The following CAST variants were observed in gnomAD, a reference collection of about 807,000 sequenced individuals.
CAST encodes the protein MIR583 host.
CAST carries 76 observed loss-of-function variants against 119.6 expected under a neutral mutation model. The observed-to-expected ratio is 0.64, with a 90% CI of 0.53 to 0.77. The LOEUF (loss-of-function observed/expected upper bound fraction) is 0.77, where lower values mean the gene tolerates loss of function less well. CAST is among the 30% of genes least tolerant of loss of function. The pLI is 0.00. For synonymous variants in CAST, 319 were observed against 331.6 expected (o/e 0.96, Z 0.41); for missense variants, 953 against 946.5 (o/e 1.01, Z -0.09).
At chr5:96,352,864 C>G in the CAST span, among the ~76,000 whole-genome samples, 1 of 152,160 alleles carries the variant, frequency 6.6e-6, no homozygotes, top group African/African-American at 2.4e-5. Flanking sequence ...GCACTTCCCC[C>G]CTTGCTCTCT....
At chr5:96,349,113 TTTTC>T in the CAST span, among the ~76,000 whole-genome samples, 1,808 of 148,280 alleles carry the variant, frequency 0.012, 29 homozygotes, top group South Asian at 0.076. Flanking sequence ...TCTCTCTCAT[TTTTC>T]TTTTCAACCA....
intron 1 of CAST, among the ~76,000 whole-genome samples, chr5:96,534,173 G>A (rs1745740328): frequency 6.6e-6 from 1 of 152,176 alleles, no homozygotes; most frequent in Admixed American, 6.5e-5. Flanking sequence ...AAAATGAAAT[G>A]TGTCAACATT....
chr5:96,568,845 TGA>T (rs899669978), intron 1 of CAST, among the ~76,000 whole-genome samples: 1 of 151,838 alleles, frequency 6.6e-6, no homozygotes, highest in African/African-American at 2.4e-5. Context: ...CAGAATCTTG[TGA>T]GAGAAAACCA....
chr5:96,138,052 G>A, the CAST span, among the ~76,000 whole-genome samples: 1 of 151,922 alleles, frequency 6.6e-6, no homozygotes, highest in Non-Finnish European at 1.5e-5. Flanking sequence ...TATAAATGAA[G>A]TTCATCATTA....
the CAST span, among the ~76,000 whole-genome samples, chr5:96,316,345 C>T: frequency 1.3e-5 from 2 of 152,134 alleles, no homozygotes; most frequent in Admixed American, 6.5e-5. Flanking sequence ...AGCTAGGAGT[C>T]CAGAGTCACA....
the CAST span, among the ~76,000 whole-genome samples, chr5:96,167,115 A>G: frequency 6.6e-6 from 1 of 152,296 alleles, no homozygotes; most frequent in East Asian, 1.9e-4. Context: ...GAAGGAGAGA[A>G]ACAGGTATTA....
At chr5:96,542,005 T>C (rs147761648) in intron 1 of CAST, among the ~76,000 whole-genome samples, 76 of 152,326 alleles carry the variant, frequency 5.0e-4, no homozygotes, top group African/African-American at 1.6e-3. Context: ...CGGGATCATA[T>C]GTTAAGACAA....
the CAST span, among the ~76,000 whole-genome samples, chr5:96,125,083 G>A: frequency 1.3e-5 from 2 of 152,140 alleles, no homozygotes; most frequent in African/African-American, 4.8e-5. Context: ...AACAGTTTAT[G>A]TATATCGTAA....
At chr5:96,740,139 C>G (rs1400031523) in intron 12 of CAST, 21 bp downstream of exon 12, 1 of 1,060,396 alleles carries the variant, frequency 9.4e-7, no homozygotes, top group East Asian at 2.4e-5. Flanking sequence ...TAATCATTTA[C>G]TTTTATTTCA....
the CAST span, among the ~76,000 whole-genome samples, chr5:96,395,569 A>T: frequency 5.9e-5 from 9 of 152,154 alleles, no homozygotes; most frequent in African/African-American, 1.9e-4. Context: ...GAATGTTCTC[A>T]CTCATAAGTG....
the CAST span, among the ~76,000 whole-genome samples, chr5:96,264,258 G>T: frequency 2.0e-5 from 3 of 152,306 alleles, no homozygotes; most frequent in East Asian, 5.8e-4. Context: ...CTCATAAAGA[G>T]TATGGGTAAA....
intron 9 of CAST, among the ~76,000 whole-genome samples, chr5:96,735,432 T>C (rs905902267): frequency 2.6e-5 from 4 of 152,186 alleles, no homozygotes; most frequent in African/African-American, 9.7e-5. Context: ...TCTGAAAGCA[T>C]TTGCCTCTGG....
At chr5:96,364,960 T>C in the CAST span, among the ~76,000 whole-genome samples, 1 of 152,264 alleles carries the variant, frequency 6.6e-6, no homozygotes, top group Non-Finnish European at 1.5e-5. Context: ...TGTGGGCATT[T>C]AATGCTATAA....
chr5:96,348,563 G>A, the CAST span, among the ~76,000 whole-genome samples: 1 of 152,090 alleles, frequency 6.6e-6, no homozygotes, highest in Non-Finnish European at 1.5e-5. Flanking sequence ...ATTTGATGGT[G>A]GGAAGTTGAG....
In CAST at chr5:96,663,050, G is replaced by A. The variant is rs1032712664; in HGVS notation, c.75+553G>A. On this transcript the variant is annotated intron_variant, in intron 1 of 31. Transcript: ENST00000675179. The stretch of plus-strand genomic sequence containing the variant: ...AGTGCCAGCCCGGTCCCGGCCAAGC[G>A]GAGTGTGAGCCCGGCGCCTCCAACG... 3 of 699,916 alleles carry A rather than the reference G, an allele frequency of 4.3e-6. No homozygotes were observed. The African/African-American group carries it at 5.2e-5, about 12-fold the overall frequency. 43.4% of individuals were successfully genotyped at this position (699,916 alleles called of 1,614,324 possible). A position where few individuals can be genotyped will look rare whatever the true frequency, so the allele number is the denominator to read the frequency against.
At position 96,675,543 on chromosome 5, in the gene CAST, T is replaced by G; in HGVS notation, c.80T>G (p.Val27Gly). The G allele has an allele frequency of 6.2e-7, 1 of 1,611,600 alleles. No individual in the cohort carries two copies. Among genetic ancestry groups the G allele is most frequent in the Non-Finnish European group, 8.5e-7 (1 of 1,177,772 alleles). Residue 27 changes from valine to glycine, a missense_variant, in exon 2 of 32, where the codon GTC becomes GGC. Transcript: ENST00000675179. The part of the protein sequence containing the change: ...AAAARRTHEH[V>G]SEKTSESPSK... ...TTATTTTTTACTTTTTTATAGCATG[T>G]CAGTGAAAAAACCAGTGAATCGCCT... is the stretch of plus-strand genomic sequence containing the variant.
intron 20 of CAST, among the ~76,000 whole-genome samples, chr5:96,753,369 G>A (rs1435043468): frequency 1.3e-5 from 2 of 152,144 alleles, no homozygotes; most frequent in African/African-American, 4.8e-5. Context: ...ACCTACTAAT[G>A]TACAGACGAT....
chr5:96,303,608 C>T, the CAST span, among the ~76,000 whole-genome samples: 6 of 152,052 alleles, frequency 3.9e-5, no homozygotes, highest in South Asian at 1.0e-3. Context: ...TATCCCTCCC[C>T]TAGTCCCCCA....
chr5:96,251,103 A>T, the CAST span, among the ~76,000 whole-genome samples: 1 of 152,198 alleles, frequency 6.6e-6, no homozygotes, highest in Non-Finnish European at 1.5e-5. Context: ...AATAATCTTA[A>T]TATTTACCAA....
Sources: allele counts gnomAD v4.1 joint callset (sites outside exome capture counted in the v4.1 genomes callset), GRCh38; gene constraint gnomAD v4.1.1; transcripts MANE v1.5; gene names NCBI Gene and HGNC (gene_info 2026-07-23, HGNC 2026-07-21).